The following LRP2 variants were observed in gnomAD, a reference collection of about 807,000 sequenced individuals.
LRP2 encodes LDL receptor related protein 2, also known as low-density lipoprotein receptor-related protein 2.
Under a neutral mutation model 531.0 loss-of-function variants are expected in LRP2, and 172 were observed. The observed-to-expected ratio is 0.32, with a 90% CI of 0.29 to 0.37. The LOEUF (loss-of-function observed/expected upper bound fraction) is 0.37. Among genes scored for constraint, LRP2 ranks in the 10% least tolerant of loss-of-function variants. The pLI, the probability that LRP2 is intolerant of heterozygous loss-of-function variation, is 1.00. For synonymous variants in LRP2, 1,992 were observed against 2,027.6 expected, an observed-to-expected ratio of 0.98 and a Z score of 0.47; for missense variants, 5,167 against 5,868.3, an observed-to-expected ratio of 0.88 and a Z score of 3.90.
In LRP2 at chr2:169,247,625, C is replaced by T. The variant is rs964616505; in HGVS notation, c.2771-110G>A. 118 of 1,134,086 alleles carry T rather than the reference C, an allele frequency of 1.0e-4. No homozygotes were observed. In the Middle Eastern group the frequency reaches 1.2e-3, roughly 11 times the overall value. 70.3% of individuals were successfully genotyped at this position (1,134,086 alleles called of 1,614,324 possible). A position where few individuals can be genotyped will look rare whatever the true frequency, so the allele number is the denominator to read the frequency against. ...ATGCTTCTTGCAAGTACGATCATCT[C>T]CCCCATAAATATCTGTAATATGTTT... On this transcript the variant is annotated intron_variant, in intron 19 of 78. Coordinates refer to ENST00000649046, the MANE Select transcript of LRP2 (RefSeq NM_004525.3).
intron 10 of LRP2, 49 bp from the exon 11 acceptor site, chr2:169,280,568 T>G (rs986380656): frequency 6.4e-7 from 1 of 1,569,504 alleles, no homozygotes; most frequent in African/African-American, 1.3e-5. Context: ...TGAGCAAGGA[T>G]GGTGAAGTAG....
intron 64 of LRP2, among the ~76,000 whole-genome samples, chr2:169,156,774 C>T (rs1037570001): frequency 5.3e-5 from 8 of 152,176 alleles, no homozygotes; most frequent in African/African-American, 1.9e-4. Context: ...TTCTGCTAAC[C>T]AGCTTCAGGA....
chr2:169,213,579 G>A, intron 36 of LRP2, 78 bp downstream of exon 36: 2 of 1,106,840 alleles, frequency 1.8e-6, no homozygotes, highest in Non-Finnish European at 2.8e-6. Context: ...ACTGTGTGTG[G>A]GTGTGTGCTT....
At chr2:169,141,592 T>A (rs970618056) in intron 71 of LRP2, among the ~76,000 whole-genome samples, 1 of 152,190 alleles carries the variant, frequency 6.6e-6, no homozygotes, top group Non-Finnish European at 1.5e-5. Context: ...CGGTTAAAGT[T>A]CTTTAAAACA....
chr2:169,176,402 G>T lies in LRP2; in HGVS notation c.10571+9C>A. The T allele has an allele frequency of 6.2e-7, 1 of 1,614,154 alleles. No individual in the cohort carries two copies. Among genetic ancestry groups the T allele is most frequent in the Non-Finnish European group, 8.5e-7 (1 of 1,180,026 alleles). On this transcript the variant is annotated intron_variant, in intron 54 of 78. Transcript: ENST00000649046. ...AGAGGCACTGAGGAGAGGGGAAAGA[G>T]AGCCTTACTTTTCATTGTTAGCGCA...
Position 169,307,356 on chromosome 2 carries a change from C to T in LRP2, c.352G>A (p.Gly118Ser). 1.9e-6 allele frequency: 3 copies of T among 1,613,856 alleles called. No individual in the cohort carries two copies. The highest frequency in any genetic ancestry group is 2.2e-5 in the South Asian group (2 of 91,066). Reference protein sequence around the residue: ...CSSHQITCSNGQCIPSEYRCD... With the variant: ...CSSHQITCSNSQCIPSEYRCD... ...CTGTATTCACTTGGGATACACTGAC[C>T]ATTGGAGCATGTTATCTGATGACTT... The change falls in exon 4 of 79, where the codon GGT (glycine) becomes AGT (serine). Residue 118 changes from glycine to serine, a missense_variant. Coordinates refer to ENST00000649046, the MANE Select transcript of LRP2 (RefSeq NM_004525.3).
At position 169,263,809 on chromosome 2, in the gene LRP2, C is replaced by T. The variant is rs922634164; in HGVS notation, c.2321-4592G>A. 3.6e-4 allele frequency among the ~76,000 whole-genome samples: 54 copies of T among 151,974 alleles called. 1 individual carries two copies. Among genetic ancestry groups the T allele is most frequent in the Admixed American group, 2.8e-3 (43 of 15,252 alleles). ...GACACATGCACACGTATGTTTATTG[C>T]GGCACTATTCACAATAGCAAAGACT... On this transcript the variant is annotated intron_variant, in intron 16 of 78. Transcript: ENST00000649046.
At chr2:169,226,919 C>G (rs1475666255) in intron 31 of LRP2, among the ~76,000 whole-genome samples, 1 of 151,848 alleles carries the variant, frequency 6.6e-6, no homozygotes, top group Non-Finnish European at 1.5e-5. Flanking sequence ...TCTTCCACTT[C>G]TACACACAGA....
intron 16 of LRP2, among the ~76,000 whole-genome samples, chr2:169,263,988 T>A (rs1023201418): frequency 1.3e-5 from 2 of 151,832 alleles, no homozygotes; most frequent in African/African-American, 4.8e-5. Flanking sequence ...CAGCAAACTA[T>A]CACAAGAACA....
chr2:169,132,737 AT>A lies in LRP2; in HGVS notation c.13621-57del, dbSNP rs1685340467. 13 of 888,540 alleles carry A rather than the reference AT, an allele frequency of 1.5e-5. No homozygotes were observed. In the South Asian group the frequency reaches 1.7e-4, roughly 12 times the overall value. The allele number at this position is 888,540 out of a possible 1,614,324, so 55.0% of individuals were successfully genotyped here. On this transcript the variant is annotated intron_variant, in intron 76 of 78. Coordinates refer to ENST00000649046, the MANE Select transcript of LRP2 (RefSeq NM_004525.3). ...TTTGAAAGAATTTAGTAGTAAATAA[AT>A]TTGCTGTAAAGTTTGTACCAACTCT...
chr2:169,261,816 C>T (rs890799108), intron 16 of LRP2, among the ~76,000 whole-genome samples: 3 of 152,072 alleles, frequency 2.0e-5, no homozygotes, highest in Non-Finnish European at 4.4e-5. Flanking sequence ...GACCAATATC[C>T]TTGATGAACA....
intron 47 of LRP2, 44 bp downstream of exon 47, chr2:169,193,717 C>G (rs1204658846): frequency 8.7e-6 from 14 of 1,613,434 alleles, no homozygotes; most frequent in Non-Finnish European, 1.1e-5. Context: ...TACTGTGTTT[C>G]CCTGGAATGT....
chr2:169,185,829 G>A lies in LRP2; in HGVS notation c.9519C>T (p.Ser3173=). 6.2e-7 allele frequency: 1 copy of A among 1,614,002 alleles called. No homozygotes were observed. Among genetic ancestry groups the A allele is most frequent in the Non-Finnish European group, 8.5e-7 (1 of 1,180,004 alleles). Residue 3173 remains serine, a synonymous_variant, in exon 50 of 79, where the codon TCC becomes TCT. Transcript: ENST00000649046. ...AGCCTGGGGCACACTTACAGATGTA[G>A]GAGCCTATTACATTCTCACACTTCT... ...CSQKCENVIG[S]YICKCAPGYL...
chr2:169,143,470 G>A (rs771818914), intron 70 of LRP2, among the ~76,000 whole-genome samples: 7 of 151,736 alleles, frequency 4.6e-5, no homozygotes, highest in Non-Finnish European at 2.9e-5. Context: ...GTGAAACCTC[G>A]TCTCTACTAA....
intron 10 of LRP2, among the ~76,000 whole-genome samples, chr2:169,281,050 A>G (rs1342499536): frequency 2.6e-5 from 4 of 152,240 alleles, no homozygotes; most frequent in African/African-American, 9.6e-5. Context: ...AAAGATAAGG[A>G]ATGATATAAA....
chr2:169,320,917 T>G, intron 1 of LRP2, 33 bp from the exon 2 acceptor site: 1 of 1,407,594 alleles, frequency 7.1e-7, no homozygotes, highest in Non-Finnish European at 1.0e-6. Flanking sequence ...TAAAAACTTA[T>G]GCCATGCAGA....
At chr2:169,241,491 A>G (rs1257874893) in intron 24 of LRP2, 126 bp from the exon 25 acceptor site, 2 of 992,344 alleles carry the variant, frequency 2.0e-6, no homozygotes, top group Admixed American at 1.8e-5. Flanking sequence ...GACCAAATTA[A>G]TATTTAAGGC....
At chr2:169,325,736 G>A (rs1487013524) in intron 1 of LRP2, among the ~76,000 whole-genome samples, 4 of 152,106 alleles carry the variant, frequency 2.6e-5, no homozygotes, top group Non-Finnish European at 5.9e-5. Context: ...GTCTCTTTCT[G>A]TGCAACATTT....
chr2:169,258,884 G>C lies in LRP2; in HGVS notation c.2513+141C>G, dbSNP rs1446474130. ...GAATAAAGTTTTTTGGAGGAAAAAA[G>C]AAATAAAATTTAAGGTGATTTCAAC... On this transcript the variant is annotated intron_variant, in intron 17 of 78. Coordinates refer to ENST00000649046, the MANE Select transcript of LRP2 (RefSeq NM_004525.3). 7 of 788,628 alleles carry C rather than the reference G, an allele frequency of 8.9e-6. No homozygotes were observed. In the South Asian group the frequency reaches 1.0e-4, roughly 12 times the overall value. 48.9% of individuals were successfully genotyped at this position (788,628 alleles called of 1,614,324 possible).
Sources: gnomAD v4.1 joint callset for allele counts (sites outside exome capture counted in the v4.1 genomes callset) on GRCh38, gnomAD v4.1.1 for gene constraint, MANE v1.5 for transcripts, NCBI Gene and HGNC (gene_info 2026-07-23, HGNC 2026-07-21) for gene names.